The following SLC10A7 variants were observed in gnomAD, a reference collection of about 807,000 sequenced individuals.
SLC10A7 encodes solute carrier family 10 member 7.
A neutral mutation model predicts 43.2 loss-of-function variants in SLC10A7; 29 were observed. That is an observed-to-expected ratio of 0.67 (90% CI 0.50 to 0.92). The LOEUF (loss-of-function observed/expected upper bound fraction) is 0.92, where lower values mean the gene tolerates loss of function less well. SLC10A7 is among the 40% of genes least tolerant of loss of function. The pLI is 0.00. For missense variants in SLC10A7, 295 were observed against 403.2 expected, an observed-to-expected ratio of 0.73 and a Z score of 2.30; for synonymous variants, 152 against 144.8, an observed-to-expected ratio of 1.05 and a Z score of -0.35.
chr4:146,317,272 T>C (rs560956448), intron 6 of SLC10A7, among the ~76,000 whole-genome samples: 13 of 152,090 alleles, frequency 8.5e-5, no homozygotes, highest in Non-Finnish European at 1.6e-4. Flanking sequence ...TTCACTTTCA[T>C]TCAAAACATT....
chr4:146,488,605 T>C (rs928233790), intron 4 of SLC10A7, among the ~76,000 whole-genome samples: 1 of 152,218 alleles, frequency 6.6e-6, no homozygotes, highest in Non-Finnish European at 1.5e-5. Context: ...TATTTTATTT[T>C]CTTCCAGACC....
chr4:146,258,881 G>A (rs1426926706), intron 10 of SLC10A7, 44 bp from the exon 11 acceptor site: 1 of 1,584,564 alleles, frequency 6.3e-7, no homozygotes, highest in Non-Finnish European at 8.5e-7. Context: ...AATTCAGTCT[G>A]TCATCAAATT....
intron 2 of SLC10A7, among the ~76,000 whole-genome samples, chr4:146,512,848 T>G (rs1247756672): frequency 1.3e-5 from 2 of 152,208 alleles, no homozygotes; most frequent in African/African-American, 4.8e-5. Flanking sequence ...CCTTGTAAAT[T>G]AACTAAATGT....
At chr4:146,273,143 A>G (rs1296926684) in intron 10 of SLC10A7, among the ~76,000 whole-genome samples, 2 of 152,204 alleles carry the variant, frequency 1.3e-5, no homozygotes, top group South Asian at 2.1e-4. Flanking sequence ...AAGCGCAGTG[A>G]CAAGGATTCA....
intron 4 of SLC10A7, among the ~76,000 whole-genome samples, chr4:146,451,200 G>A (rs1400949903): frequency 1.8e-5 from 2 of 113,202 alleles, no homozygotes; most frequent in South Asian, 3.2e-4. Context: ...GACCAACAGC[G>A]AGTAACAAGG....
At position 146,256,128 on chromosome 4, in the gene SLC10A7, G is replaced by A. The variant is rs1727872529; in HGVS notation, c.*363C>T. 1 of 204,526 alleles carries A rather than the reference G, an allele frequency of 4.9e-6. No individual in the cohort carries two copies. Among genetic ancestry groups the A allele is most frequent in the South Asian group, 1.1e-4 (1 of 9,142 alleles). The allele number at this position is 204,526 out of a possible 1,614,324, so 12.7% of individuals were successfully genotyped here. On this transcript the variant is annotated 3_prime_UTR_variant, in exon 12 of 12. Transcript: ENST00000335472. ...GGAAATTTTCACTGTCATCAGAAGG[G>A]CATTTTCCTGATGGTGTGACCTCAT...
intron 5 of SLC10A7, among the ~76,000 whole-genome samples, chr4:146,374,887 C>G (rs919576905): frequency 3.9e-5 from 6 of 152,006 alleles, no homozygotes; most frequent in Admixed American, 3.9e-4. Flanking sequence ...TGAGAGAGAC[C>G]ATCTGTTTCT....
intron 4 of SLC10A7, among the ~76,000 whole-genome samples, chr4:146,469,396 C>T (rs970708049): frequency 1.3e-5 from 2 of 152,168 alleles, no homozygotes; most frequent in Non-Finnish European, 2.9e-5. Flanking sequence ...TTGAAAGTAG[C>T]ACCAGGGAAA....
intron 5 of SLC10A7, among the ~76,000 whole-genome samples, chr4:146,375,799 G>A (rs796411314): frequency 2.0e-5 from 3 of 152,096 alleles, no homozygotes; most frequent in Non-Finnish European, 4.4e-5. Context: ...CACCAGCTGG[G>A]TGTCCTCTAA....
chr4:146,412,352 A>G (rs1312399004), intron 5 of SLC10A7, among the ~76,000 whole-genome samples: 2 of 152,220 alleles, frequency 1.3e-5, no homozygotes, highest in East Asian at 3.8e-4. Flanking sequence ...AGAAATAACA[A>G]CATCTACTTG....
chr4:146,427,598 C>T (rs1044334702), intron 5 of SLC10A7, among the ~76,000 whole-genome samples: 3 of 152,102 alleles, frequency 2.0e-5, no homozygotes, highest in Non-Finnish European at 4.4e-5. Flanking sequence ...GTAGAAGCCT[C>T]TATGTTTATA....
At chr4:146,418,221 C>T (rs1455147997) in intron 5 of SLC10A7, among the ~76,000 whole-genome samples, 12 of 152,172 alleles carry the variant, frequency 7.9e-5, no homozygotes, top group African/African-American at 2.9e-4. Flanking sequence ...AACATTCAAA[C>T]ATTGTCCAAT....
intron 5 of SLC10A7, among the ~76,000 whole-genome samples, chr4:146,409,147 G>C (rs920383748): frequency 6.6e-6 from 1 of 152,020 alleles, no homozygotes; most frequent in Non-Finnish European, 1.5e-5. Context: ...ATAGGCAAAG[G>C]CTTGGGAATA....
At chr4:146,446,665 T>C (rs1210205691) in intron 4 of SLC10A7, among the ~76,000 whole-genome samples, 3 of 151,870 alleles carry the variant, frequency 2.0e-5, no homozygotes, top group Non-Finnish European at 4.4e-5. Flanking sequence ...AAACTCACCC[T>C]AAGCACCCAC....
chr4:146,496,498 C>T (rs1429473698), intron 4 of SLC10A7, among the ~76,000 whole-genome samples: 1 of 152,176 alleles, frequency 6.6e-6, no homozygotes, highest in Non-Finnish European at 1.5e-5. Flanking sequence ...GTCACTCTGA[C>T]TTCCTCCCTT....
chr4:146,504,333 C>T (rs1401982012), intron 3 of SLC10A7, among the ~76,000 whole-genome samples: 1 of 151,956 alleles, frequency 6.6e-6, no homozygotes, highest in African/African-American at 2.4e-5. Context: ...TCCTGGCTAA[C>T]ACAGTGAAAC....
At chr4:146,437,168 A>G (rs1730279832) in intron 5 of SLC10A7, among the ~76,000 whole-genome samples, 1 of 152,038 alleles carries the variant, frequency 6.6e-6, no homozygotes. Context: ...CTATTTTCCT[A>G]TGTTGTGCTA....
At chr4:146,269,993 G>T (rs1002896421) in intron 10 of SLC10A7, among the ~76,000 whole-genome samples, 2 of 151,980 alleles carry the variant, frequency 1.3e-5, no homozygotes, top group African/African-American at 2.4e-5. Flanking sequence ...CCTTTTCATG[G>T]TACTGTGTTT....
chr4:146,366,492 ACCTGT>A (rs1377507337), intron 5 of SLC10A7, among the ~76,000 whole-genome samples: 6 of 152,256 alleles, frequency 3.9e-5, no homozygotes, highest in Admixed American at 1.3e-4. Flanking sequence ...GGAGTAGAAG[ACCTGT>A]CATGTCTACT....
Sources: allele counts gnomAD v4.1 joint callset (sites outside exome capture counted in the v4.1 genomes callset), GRCh38; gene constraint gnomAD v4.1.1; transcripts MANE v1.5; gene names NCBI Gene and HGNC (gene_info 2026-07-23, HGNC 2026-07-21).